Variants in ARMC2 observed in about 807,000 individuals in gnomAD.
The protein encoded by ARMC2 is armadillo repeat-containing protein 2.
In ARMC2, 67 loss-of-function variants were observed where a neutral mutation model predicts 90.3. That is an observed-to-expected ratio of 0.74 (90% CI 0.61 to 0.91). ARMC2 has a LOEUF of 0.91. ARMC2 is among the 40% of genes least tolerant of loss of function. The pLI is 0.00. For missense variants in ARMC2, 920 were observed against 1,030.9 expected, an observed-to-expected ratio of 0.89 and a Z score of 1.47; for synonymous variants, 393 against 393.0, an observed-to-expected ratio of 1.00 and a Z score of 0.00.
At chr6:109,004,362 T>C in the ARMC2 span, among the ~76,000 whole-genome samples, 1 of 151,744 alleles carries the variant, frequency 6.6e-6, no homozygotes, top group Non-Finnish European at 1.5e-5. Flanking sequence ...CTAGGAATTA[T>C]ATTTGCCACT....
chr6:108,917,930 C>T (rs968929298), intron 10 of ARMC2, among the ~76,000 whole-genome samples: 9 of 152,210 alleles, frequency 5.9e-5, no homozygotes, highest in African/African-American at 1.9e-4. Context: ...ATCCACCCAC[C>T]TCAGCCTCCC....
rs755156718 is a variant in ARMC2 at position 108,953,122 on chromosome 6, C to A, written c.1686C>A (p.Ser562Arg). The A allele has an allele frequency of 6.2e-7, 1 of 1,613,952 alleles. No homozygotes were observed. Among genetic ancestry groups the A allele is most frequent in the East Asian group, 2.2e-5 (1 of 44,884 alleles). Residue 562 changes from serine to arginine, a missense_variant, in exon 13 of 18, where the codon AGC becomes AGA. Transcript: ENST00000392644. Reference sequence around the variant, plus strand: ...AACAATTTTCCAAAGAGAAAGGGAGCATCCAAACTCTGCTGTCATTATTCC... The same window carrying A: ...AACAATTTTCCAAAGAGAAAGGGAGAATCCAAACTCTGCTGTCATTATTCC... ...AREQFSKEKGSIQTLLSLFQT... is the reference protein window; with the variant it reads ...AREQFSKEKGRIQTLLSLFQT...
At chr6:109,000,044 T>C in the ARMC2 span, 2 of 152,410 alleles carry the variant, frequency 1.3e-5, no homozygotes, top group Non-Finnish European at 2.9e-5. Context: ...AAAAGCTACA[T>C]ACTTTTGTAT....
chr6:108,964,447 G>GGCTTT, intron 16 of ARMC2, 135 bp downstream of exon 16: 1 of 1,074,554 alleles, frequency 9.3e-7, no homozygotes, highest in Non-Finnish European at 1.3e-6. Context: ...TGAGGCTAAA[G>GGCTTT]AGGGGGTTTA....
chr6:108,993,831 C>G, the ARMC2 span, among the ~76,000 whole-genome samples: 4 of 152,028 alleles, frequency 2.6e-5, no homozygotes, highest in African/African-American at 9.7e-5. Flanking sequence ...CCTTCCACCT[C>G]AGCTTCTTGA....
rs186501123 is a variant in ARMC2, at chr6:108,899,769, C to T, written c.824C>T (p.Pro275Leu). 165 of 1,612,308 alleles carry T rather than the reference C, an allele frequency of 1.0e-4. No individual in the cohort carries two copies. Among genetic ancestry groups the T allele is most frequent in the African/African-American group, 9.2e-4 (69 of 74,714 alleles). The change falls in exon 7 of 18, where the codon CCG (proline) becomes CTG (leucine). Residue 275 changes from proline (P) to leucine (L), a missense_variant. Transcript: ENST00000392644. Reference sequence around the variant, plus strand: ...GTCTTTTGGAATACAAGGATTGTACCGATTTTGCGTGAATTAGAAAAGGGT... The same window carrying T: ...GTCTTTTGGAATACAAGGATTGTACTGATTTTGCGTGAATTAGAAAAGGGT... The part of the protein sequence containing the change: ...DEVFWNTRIV[P>L]ILRELEKEEN...
intron 4 of ARMC2, among the ~76,000 whole-genome samples, chr6:108,869,653 A>G (rs12198945): frequency 0.11 from 16,996 of 152,306 alleles, 1,241 homozygotes; most frequent in Middle Eastern, 0.18. Context: ...TATAATGCAC[A>G]TTAAGCTTAT....
chr6:109,032,376 T>C, the ARMC2 span, among the ~76,000 whole-genome samples: 2 of 152,060 alleles, frequency 1.3e-5, no homozygotes, highest in East Asian at 3.9e-4. Context: ...CCCAGCACTT[T>C]GGGAGGCCGA....
At chr6:109,047,360 T>C in the ARMC2 span, among the ~76,000 whole-genome samples, 67 of 40,294 alleles carry the variant, frequency 1.7e-3, no homozygotes, top group Admixed American at 5.9e-3. Flanking sequence ...GTCAGCCCCC[T>C]GCCCGGCCAG....
At chr6:108,989,266 G>C in the ARMC2 span, among the ~76,000 whole-genome samples, 2 of 152,182 alleles carry the variant, frequency 1.3e-5, no homozygotes, top group Non-Finnish European at 1.5e-5. Flanking sequence ...GCTTCCCAAA[G>C]TGCTGGGATT....
At chr6:108,948,384 G>A (rs1776954143) in intron 12 of ARMC2, among the ~76,000 whole-genome samples, 1 of 151,930 alleles carries the variant, frequency 6.6e-6, no homozygotes, top group African/African-American at 2.4e-5. Context: ...TTCTATTTTG[G>A]CCTCTTCCAG....
At chr6:108,873,935 A>G (rs1443522469) in intron 4 of ARMC2, among the ~76,000 whole-genome samples, 1 of 152,160 alleles carries the variant, frequency 6.6e-6, no homozygotes, top group Non-Finnish European at 1.5e-5. Context: ...GTCATTAAGA[A>G]AAGTGTTTTT....
chr6:109,013,356 A>G, the ARMC2 span, among the ~76,000 whole-genome samples: 1 of 152,198 alleles, frequency 6.6e-6, no homozygotes, highest in Non-Finnish European at 1.5e-5. Context: ...AGAGAAGTGT[A>G]GAAGATGACA....
intron 12 of ARMC2, among the ~76,000 whole-genome samples, chr6:108,947,708 T>A (rs1373872725): frequency 6.6e-6 from 1 of 152,168 alleles, no homozygotes; most frequent in Admixed American, 6.5e-5. Flanking sequence ...GTCAGTCTTC[T>A]TCCTCTAAGT....
chr6:109,000,165 G>C, the ARMC2 span: 1 of 172,168 alleles, frequency 5.8e-6, no homozygotes, highest in South Asian at 2.0e-4. Context: ...GGGATGAACA[G>C]GTGGAACCCA....
At chr6:108,865,876 G>A (rs1390705901) in intron 3 of ARMC2, among the ~76,000 whole-genome samples, 1 of 152,016 alleles carries the variant, frequency 6.6e-6, no homozygotes, top group Non-Finnish European at 1.5e-5. Context: ...AATTAGCTGG[G>A]TGTGGTGGTG....
In ARMC2 at chr6:108,854,503, T is replaced by C; in HGVS notation, c.218+18T>C. On this transcript the variant is annotated intron_variant, in intron 2 of 17. Transcript: ENST00000392644. ...TCCTTCAGGTATATGGCATTTCACA[T>C]TCATGTTCATTCAGATATTTAAGCA... 1.9e-6 allele frequency: 3 copies of C among 1,600,858 alleles called. No homozygotes were observed. The highest frequency in any genetic ancestry group is 1.7e-5 in the Admixed American group (1 of 59,698).
the ARMC2 span, among the ~76,000 whole-genome samples, chr6:109,041,327 A>G: frequency 6.6e-6 from 1 of 152,090 alleles, no homozygotes; most frequent in Non-Finnish European, 1.5e-5. Context: ...AATAATTTAA[A>G]AAAATAAAAT....
chr6:108,939,506 G>T (rs1452328556), intron 12 of ARMC2, among the ~76,000 whole-genome samples: 1 of 152,118 alleles, frequency 6.6e-6, no homozygotes, highest in East Asian at 1.9e-4. Context: ...GCTCTGGCAT[G>T]TAAGATGTGC....
Sources: allele counts gnomAD v4.1 joint callset (sites outside exome capture counted in the v4.1 genomes callset), GRCh38; gene constraint gnomAD v4.1.1; transcripts MANE v1.5; gene names NCBI Gene and HGNC (gene_info 2026-07-23, HGNC 2026-07-21).